STARD13: variants seen among roughly 807,000 people sequenced by gnomAD.
STARD13 encodes the protein StAR related lipid transfer domain containing 13.
STARD13 carries 62 observed loss-of-function variants against 106.4 expected under a neutral mutation model. That is an observed-to-expected ratio of 0.58 (90% CI 0.48 to 0.72). The LOEUF (loss-of-function observed/expected upper bound fraction) is 0.72. Ranked by LOEUF, STARD13 falls within the 30% of genes least tolerant of loss-of-function variation. The pLI is 0.00. For synonymous variants in STARD13, 565 were observed against 553.0 expected (o/e 1.02, Z -0.31); for missense variants, 1,387 against 1,424.0 (o/e 0.97, Z 0.42).
the STARD13 span, among the ~76,000 whole-genome samples, chr13:33,476,937 G>A: frequency 8.5e-5 from 13 of 152,262 alleles, no homozygotes; most frequent in Non-Finnish European, 1.9e-4. Flanking sequence ...AATTGCTTTC[G>A]TGAGACACAG....
At chr13:33,419,269 TA>T in the STARD13 span, among the ~76,000 whole-genome samples, 1 of 152,140 alleles carries the variant, frequency 6.6e-6, no homozygotes, top group Non-Finnish European at 1.5e-5. Flanking sequence ...GAGAAGACCT[TA>T]AATGACCTGA....
the STARD13 span, among the ~76,000 whole-genome samples, chr13:33,365,115 A>G: frequency 6.6e-6 from 1 of 152,080 alleles, no homozygotes; most frequent in Non-Finnish European, 1.5e-5. Flanking sequence ...TGACCACAAA[A>G]TGAAGGGACT....
chr13:33,113,584 C>G (rs748515129), intron 8 of STARD13: 2 of 515,218 alleles, frequency 3.9e-6, no homozygotes, highest in Non-Finnish European at 3.9e-6. Context: ...TTGCAGGATG[C>G]CTGCTATTGA....
chr13:33,547,492 G>C, the STARD13 span, among the ~76,000 whole-genome samples: 1 of 152,078 alleles, frequency 6.6e-6, no homozygotes, highest in African/African-American at 2.4e-5. Flanking sequence ...GCAAAACATA[G>C]GGCCCTGAGA....
At position 33,110,065 on chromosome 13, in the gene STARD13, A is replaced by G. The variant is rs1365268838; in HGVS notation, c.2855T>C (p.Leu952Pro). The change falls in exon 12 of 14, where the codon CTG becomes CCG. Residue 952 changes from leucine (L) to proline (P), a missense_variant. Transcript: ENST00000336934. ...KKVGDGNPLK[L>P]WKASVEVEAP... ...TTCCACCTCCACAGAAGCCTTCCACAGCTTCAGCGGGTTCCCGTCGCCCAC... is the reference window on the plus strand; with the variant it reads ...TTCCACCTCCACAGAAGCCTTCCACGGCTTCAGCGGGTTCCCGTCGCCCAC... 2.5e-6 allele frequency: 4 copies of G among 1,614,206 alleles called. No individual in the cohort carries two copies. In the Admixed American group the frequency reaches 6.7e-5, roughly 27 times the overall value.
chr13:33,634,246 T>G, the STARD13 span, among the ~76,000 whole-genome samples: 1 of 152,302 alleles, frequency 6.6e-6, no homozygotes, highest in East Asian at 1.9e-4. Flanking sequence ...CTGAAAGCTT[T>G]TGCCAAAGAC....
intron 1 of STARD13, among the ~76,000 whole-genome samples, chr13:33,177,984 GGAAA>G (rs1884849774): frequency 1.1e-4 from 1 of 9,514 alleles, no homozygotes; most frequent in Non-Finnish European, 1.6e-4. Context: ...AAGGAAGGAA[GGAAA>G]GGAAGGAAGG....
intron 1 of STARD13, among the ~76,000 whole-genome samples, chr13:33,239,757 T>G (rs1340227753): frequency 6.6e-6 from 1 of 152,186 alleles, no homozygotes; most frequent in Non-Finnish European, 1.5e-5. Context: ...GTGTTGTTGT[T>G]GTTAAGTTGT....
the STARD13 span, among the ~76,000 whole-genome samples, chr13:33,477,826 C>T: frequency 4.0e-5 from 6 of 150,940 alleles, no homozygotes; most frequent in East Asian, 3.9e-4. Context: ...TTTGAATAAA[C>T]GTAGAAATTG....
chr13:33,532,203 C>T, the STARD13 span, among the ~76,000 whole-genome samples: 2 of 152,136 alleles, frequency 1.3e-5, no homozygotes, highest in Non-Finnish European at 2.9e-5. Context: ...TTTTTCTGGA[C>T]ACAAAGTGCT....
chr13:33,467,949 G>T, the STARD13 span, among the ~76,000 whole-genome samples: 1 of 152,140 alleles, frequency 6.6e-6, no homozygotes, highest in Non-Finnish European at 1.5e-5. Flanking sequence ...TCACAGTTTT[G>T]TTACTTAAGC....
At chr13:33,337,770 C>A (rs1240387698) in intron 1 of STARD13, among the ~76,000 whole-genome samples, 1 of 152,182 alleles carries the variant, frequency 6.6e-6, no homozygotes, top group Non-Finnish European at 1.5e-5. Flanking sequence ...CAAAGCAAGT[C>A]ATGGCTCTAC....
the STARD13 span, among the ~76,000 whole-genome samples, chr13:33,418,975 G>C: frequency 2.6e-5 from 4 of 152,160 alleles, no homozygotes; most frequent in South Asian, 2.1e-4. Flanking sequence ...CAATATCAAA[G>C]ACCAAAGGTA....
At chr13:33,292,513 A>C (rs773294842) in intron 1 of STARD13, among the ~76,000 whole-genome samples, 5 of 151,896 alleles carry the variant, frequency 3.3e-5, no homozygotes, top group Non-Finnish European at 7.4e-5. Context: ...AGGTAGGAGC[A>C]TGACTTGAGC....
chr13:33,672,405 C>T, the STARD13 span, among the ~76,000 whole-genome samples: 8 of 152,230 alleles, frequency 5.3e-5, no homozygotes, highest in South Asian at 1.7e-3. Context: ...AGGACAAACA[C>T]CTAATGCATG....
chr13:33,397,557 G>A, the STARD13 span, among the ~76,000 whole-genome samples: 1 of 152,180 alleles, frequency 6.6e-6, no homozygotes, highest in African/African-American at 2.4e-5. Flanking sequence ...TTTGCAAGGA[G>A]GGTAAAATTT....
chr13:33,662,579 C>T, the STARD13 span, among the ~76,000 whole-genome samples: 30,352 of 152,084 alleles, frequency 0.2, 5,851 homozygotes, highest in African/African-American at 0.49. Context: ...TTTAACTTCA[C>T]GTTCTGCCGT....
At chr13:33,229,818 G>A (rs927124283) in intron 1 of STARD13, among the ~76,000 whole-genome samples, 1 of 152,220 alleles carries the variant, frequency 6.6e-6, no homozygotes, top group Non-Finnish European at 1.5e-5. Context: ...TGTGCCAGAA[G>A]CCTCAGTGAG....
the STARD13 span, among the ~76,000 whole-genome samples, chr13:33,598,448 C>G: frequency 6.6e-6 from 1 of 152,086 alleles, no homozygotes; most frequent in Non-Finnish European, 1.5e-5. Context: ...TTAAATTAAT[C>G]TATCCTATTA....
Sources: gnomAD v4.1 joint callset for allele counts (sites outside exome capture counted in the v4.1 genomes callset) on GRCh38, gnomAD v4.1.1 for gene constraint, MANE v1.5 for transcripts, NCBI Gene and HGNC (gene_info 2026-07-23, HGNC 2026-07-21) for gene names.